NKIRAS1: variants seen among roughly 807,000 people sequenced by gnomAD.
NKIRAS1 encodes NF-kappa-B inhibitor-interacting Ras-like protein 1.
Under a neutral mutation model 19.8 loss-of-function variants are expected in NKIRAS1, and 16 were observed. The ratio of observed to expected loss-of-function variants is 0.81; its 90% CI spans 0.55 to 1.23. The LOEUF (loss-of-function observed/expected upper bound fraction) is 1.23. Ranked by LOEUF, NKIRAS1 falls within the 50% of genes most tolerant of loss-of-function variation. NKIRAS1 has a pLI of 0.00. For synonymous variants in NKIRAS1, 88 were observed against 79.0 expected (o/e 1.11, Z -0.61); for missense variants, 184 against 220.0 (o/e 0.84, Z 1.04).
upstream of NKIRAS1, chr3:23,920,509 A>G (rs1424488217): frequency 3.0e-6 from 3 of 984,968 alleles, no homozygotes; most frequent in African/African-American, 3.5e-5. Flanking sequence ...ATACCACCAC[A>G]TTGCATTTCT....
chr3:23,938,294 C>T (rs1394406848), intron 1 of NKIRAS1, among the ~76,000 whole-genome samples: 2 of 151,386 alleles, frequency 1.3e-5, no homozygotes, highest in Non-Finnish European at 1.5e-5. Context: ...ACTGCAGCCT[C>T]TATCTCCCAG....
In NKIRAS1 at chr3:23,922,031, A is replaced by T; in HGVS notation, c.-139-10581T>A. 1.3e-5 allele frequency: 2 copies of T among 158,666 alleles called. No individual in the cohort carries two copies. The highest frequency in any genetic ancestry group is 3.2e-3 in the Middle Eastern group (1 of 312). The allele number at this position is 158,666 out of a possible 1,614,324, so 9.8% of individuals were successfully genotyped here. ...CAAATTTACTTTAGTAATAACAACA[A>T]TTGGCTGGGTGCGGTGGCTCACGCC... On this transcript the variant is annotated intron_variant, in intron 1 of 4. Coordinates refer to the NKIRAS1 transcript ENST00000421515. This position sits in a 1 kb window ranked among gnomAD's most constrained non-coding sequence, Gnocchi z 4.2.
chr3:23,907,899 C>T (rs1361369940), intron 3 of NKIRAS1, among the ~76,000 whole-genome samples: 2 of 152,120 alleles, frequency 1.3e-5, no homozygotes. Context: ...GCAAGCTGAA[C>T]TAGCCATCAT....
chr3:23,925,451 T>C (rs1269407238), intron 1 of NKIRAS1, among the ~76,000 whole-genome samples: 1 of 152,080 alleles, frequency 6.6e-6, no homozygotes, highest in East Asian at 1.9e-4. Flanking sequence ...CTGGGCAAGA[T>C]GGCGAAACCC....
intron 1 of NKIRAS1, among the ~76,000 whole-genome samples, chr3:23,936,296 C>G (rs890537316): frequency 1.3e-5 from 2 of 152,154 alleles, no homozygotes; most frequent in Non-Finnish European, 2.9e-5. Context: ...AAATACTGGT[C>G]GCTTGAAGGT....
rs1301790877 is a variant in NKIRAS1, at chr3:23,889,956, T to C, written c.*3139A>G. 2 of 154,858 alleles carry C rather than the reference T, an allele frequency of 1.3e-5. No individual in the cohort carries two copies. Among genetic ancestry groups the C allele is most frequent in the African/African-American group, 4.8e-5 (2 of 41,498 alleles). The allele number at this position is 154,858 out of a possible 1,614,324, so 9.6% of individuals were successfully genotyped here. A position where few individuals can be genotyped will look rare whatever the true frequency, so the allele number is the denominator to read the frequency against. ...CACACACACAGACAAATATATTTTCTAGGTAAACCAAATATAAATTTATTA... is the reference window on the plus strand; with the variant it reads ...CACACACACAGACAAATATATTTTCCAGGTAAACCAAATATAAATTTATTA... On this transcript the variant is annotated 3_prime_UTR_variant, in exon 5 of 5. Coordinates refer to ENST00000425478, the MANE Select transcript of NKIRAS1 (RefSeq NM_020345.4).
intron 1 of NKIRAS1, among the ~76,000 whole-genome samples, chr3:23,928,100 CCA>C (rs66482461): frequency 0.54 from 79,438 of 145,902 alleles, 21,563 homozygotes; most frequent in Middle Eastern, 0.63. Context: ...TCTCTACACA[CCA>C]CACACACACA....
At position 23,931,068 on chromosome 3, in the gene NKIRAS1, T is replaced by C. The variant is rs1333373375; in HGVS notation, c.-140+15255A>G. ...TAGATCACAGGATATAATGAAGTTG[T>C]AAGATGGTGTTTATACCTGTATTCA... is the stretch of plus-strand genomic sequence containing the variant. On this transcript the variant is annotated intron_variant, in intron 1 of 4. Transcript: ENST00000421515. 4.2e-4 allele frequency among the ~76,000 whole-genome samples: 9 copies of C among 21,682 alleles called. No individual in the cohort carries two copies. In the South Asian group the frequency reaches 5.1e-3, roughly 12 times the overall value. 14.2% of individuals were successfully genotyped at this position (21,682 alleles called of 152,430 possible).
chr3:23,946,249 G>A (rs562952894), intron 1 of NKIRAS1: 2 of 985,448 alleles, frequency 2.0e-6, no homozygotes, highest in South Asian at 4.7e-5. Context: ...CGCTCTTTTC[G>A]CGAGGTGACC....
chr3:23,939,673 G>A (rs1163425646), intron 1 of NKIRAS1, among the ~76,000 whole-genome samples: 1 of 152,248 alleles, frequency 6.6e-6, no homozygotes, highest in African/African-American at 2.4e-5. Context: ...CCCAGGAGGA[G>A]GTGGAGGTTA....
rs546483318 is a variant in NKIRAS1, at chr3:23,909,869, T to G, written c.94+942A>C. On this transcript the variant is annotated intron_variant, in intron 3 of 4. Coordinates refer to ENST00000425478, the MANE Select transcript of NKIRAS1 (RefSeq NM_020345.4). ...AGTTGTTTTTGTTTTTTTTTGTTTT[T>G]TTTTTTTTGAGATGGAGTCTCGCTC... Among the ~76,000 whole-genome samples the G allele has an allele frequency of 5.8e-3, 861 of 149,564 alleles. 8 individuals carry two copies. The highest frequency in any genetic ancestry group is 0.02 in the African/African-American group (805 of 40,756).
chr3:23,900,806 G>A lies in NKIRAS1; in HGVS notation c.336+2C>T. 1 of 1,611,094 alleles carries A rather than the reference G, an allele frequency of 6.2e-7. No individual in the cohort carries two copies. Among genetic ancestry groups the A allele is most frequent in the Non-Finnish European group, 8.5e-7 (1 of 1,178,006 alleles). ...TTTGGCATTTTTAACATATCCACTT[G>A]CCTCTTTTTTGTCTTTGAACTTATC... On this transcript the variant is annotated splice_donor_variant, in intron 4 of 4. Coordinates refer to ENST00000425478, the MANE Select transcript of NKIRAS1 (RefSeq NM_020345.4). LOFTEE classifies it low-confidence loss of function (GC_TO_GT_DONOR).
chr3:23,919,664 T>C, upstream of NKIRAS1: 1 of 1,408,556 alleles, frequency 7.1e-7, no homozygotes, highest in Non-Finnish European at 9.2e-7. Context: ...CAATAAGTGG[T>C]GGTGTATCTT....
intron 4 of NKIRAS1, among the ~76,000 whole-genome samples, chr3:23,896,097 T>C (rs1488706347): frequency 7.9e-6 from 1 of 127,236 alleles, no homozygotes; most frequent in African/African-American, 3.1e-5. Flanking sequence ...ATCATGCCAC[T>C]GCACTCCAGC....
intron 3 of NKIRAS1, among the ~76,000 whole-genome samples, chr3:23,901,475 C>T (rs1303637370): frequency 1.3e-5 from 2 of 152,228 alleles, no homozygotes; most frequent in East Asian, 1.9e-4. Flanking sequence ...TGAGGCACTG[C>T]ACCTGGCGTA....
At chr3:23,917,800 C>G (rs1369864568), upstream of NKIRAS1, 1 of 1,521,320 alleles carries the variant, frequency 6.6e-7, no homozygotes. Context: ...ATACAGTCGT[C>G]TTATTGTACT....
chr3:23,933,379 A>T (rs1364198629), intron 1 of NKIRAS1, among the ~76,000 whole-genome samples: 1 of 152,198 alleles, frequency 6.6e-6, no homozygotes, highest in Non-Finnish European at 1.5e-5. Context: ...CCCCAGGGAC[A>T]TTTGACAATG....
upstream of NKIRAS1, chr3:23,919,266 A>G: frequency 6.2e-7 from 1 of 1,612,662 alleles, no homozygotes; most frequent in Non-Finnish European, 8.5e-7. Flanking sequence ...GATTCCACAT[A>G]CAAATTTTTT....
chr3:23,907,409 C>T (rs1202125508), intron 3 of NKIRAS1, among the ~76,000 whole-genome samples: 1 of 152,200 alleles, frequency 6.6e-6, no homozygotes, highest in Non-Finnish European at 1.5e-5. Context: ...GCACCCCTAA[C>T]CCGTGCACTG....
Sources: gnomAD v4.1 joint callset for allele counts (sites outside exome capture counted in the v4.1 genomes callset) on GRCh38, gnomAD v4.1.1 for gene constraint, Gnocchi (gnomAD v3.1) non-coding constraint, MANE v1.5 for transcripts, NCBI Gene and HGNC (gene_info 2026-07-23, HGNC 2026-07-21) for gene names.